LRRC72: variants seen among roughly 807,000 people sequenced by gnomAD.
LRRC72 encodes leucine-rich repeat-containing protein 72.
Under a neutral mutation model 35.8 loss-of-function variants are expected in LRRC72, and 41 were observed. The observed-to-expected ratio is 1.15, with a 90% CI of 0.89 to 1.49. The LOEUF (loss-of-function observed/expected upper bound fraction) is 1.49, where lower values mean the gene tolerates loss of function less well. LRRC72 is among the 40% of genes most tolerant of loss of function. The pLI is 0.00. For synonymous variants in LRRC72, 118 were observed against 119.2 expected (o/e 0.99, Z 0.07); for missense variants, 389 against 330.7 (o/e 1.18, Z -1.37).
chr7:16,546,010 C>G (rs1782437881), intron 3 of LRRC72, among the ~76,000 whole-genome samples: 1 of 151,798 alleles, frequency 6.6e-6, no homozygotes, highest in South Asian at 2.1e-4. Context: ...ATATTTTAAA[C>G]TAAGATAGAA....
chr7:16,527,433 G>T (rs757849684), intron 1 of LRRC72, among the ~76,000 whole-genome samples: 1 of 151,410 alleles, frequency 6.6e-6, no homozygotes, highest in Non-Finnish European at 1.5e-5. Flanking sequence ...AGTAAATTTC[G>T]CAGTCTTGAT....
At chr7:16,580,745 C>T (rs1783129193) in intron 8 of LRRC72, among the ~76,000 whole-genome samples, 2 of 152,064 alleles carry the variant, frequency 1.3e-5, no homozygotes, top group Non-Finnish European at 2.9e-5. Context: ...TCAGTCATAG[C>T]AGTTATCATG....
At position 16,558,943 on chromosome 7, in the gene LRRC72, C is replaced by A. The variant is rs1356452220; in HGVS notation, c.371C>A (p.Thr124Asn). Residue 124 changes from threonine to asparagine, a missense_variant, in exon 5 of 9, where the codon ACC becomes AAC. Transcript: ENST00000401542. ...HILLLHHNELTNIDATVKELK... is the reference protein window; with the variant it reads ...HILLLHHNELNNIDATVKELK... Reference sequence around the variant, plus strand: ...CTCCTGCTACACCACAATGAGCTAACCAACATTGATGCAACAGTGAAGGAA... The same window carrying A: ...CTCCTGCTACACCACAATGAGCTAAACAACATTGATGCAACAGTGAAGGAA... 4.6e-6 allele frequency: 7 copies of A among 1,536,728 alleles called. No homozygotes were observed. The highest frequency in any genetic ancestry group is 2.0e-5 in the Admixed American group (1 of 50,188).
rs572152307 is a variant in LRRC72 at position 16,564,519 on chromosome 7, A to G, written c.428-1794A>G. ...CTGTCATTTAAGAAATCTTGAAAAA[A>G]AAAAAGTTTTATTTTTCTTCTCATT... On this transcript the variant is annotated intron_variant, in intron 5 of 8. Coordinates refer to ENST00000401542, the MANE Select transcript of LRRC72 (RefSeq NM_001195280.2). Among the ~76,000 whole-genome samples, 3 of 152,238 alleles carry G rather than the reference A, an allele frequency of 2.0e-5. No homozygotes were observed. In the East Asian group the frequency reaches 5.8e-4, roughly 29 times the overall value.
intron 5 of LRRC72, among the ~76,000 whole-genome samples, chr7:16,564,364 AAT>A (rs1051799544): frequency 6.6e-6 from 1 of 152,090 alleles, no homozygotes; most frequent in Non-Finnish European, 1.5e-5. Context: ...CTCGAACTAC[AAT>A]TCATGATCCC....
chr7:16,554,893 T>C lies in LRRC72; in HGVS notation c.235-2467T>C, dbSNP rs13437811. Reference sequence around the variant, plus strand: ...AGTCTCAGCTAATGAGTTCTATTAATGTGTGGTTGGCAGGTAACTGGAAGA... The same window carrying C: ...AGTCTCAGCTAATGAGTTCTATTAACGTGTGGTTGGCAGGTAACTGGAAGA... On this transcript the variant is annotated intron_variant, in intron 3 of 8. Transcript: ENST00000401542. 1.5e-3 allele frequency among the ~76,000 whole-genome samples: 225 copies of C among 152,344 alleles called. 1 individual carries two copies. Among genetic ancestry groups the C allele is most frequent in the African/African-American group, 5.2e-3 (216 of 41,578 alleles).
At chr7:16,533,043 A>G in intron 2 of LRRC72, among the ~76,000 whole-genome samples, 1 of 152,272 alleles carries the variant, frequency 6.6e-6, no homozygotes, top group South Asian at 2.1e-4. Context: ...TAATTATACT[A>G]CCTCATTCTC....
At chr7:16,535,137 C>T (rs922953425) in intron 2 of LRRC72, among the ~76,000 whole-genome samples, 4 of 151,164 alleles carry the variant, frequency 2.6e-5, no homozygotes, top group South Asian at 4.2e-4. Context: ...TGCAGTGAGC[C>T]GAGATGGAGC....
chr7:16,580,170 C>T, intron 8 of LRRC72, 69 bp downstream of exon 8: 1 of 225,132 alleles, frequency 4.4e-6, no homozygotes, highest in Non-Finnish European at 9.3e-6. Context: ...TACTTCATCT[C>T]CATTTCCTAA....
intron 7 of LRRC72, 61 bp downstream of exon 7, chr7:16,567,604 G>C (rs1278290556): frequency 5.5e-6 from 7 of 1,274,694 alleles, no homozygotes; most frequent in East Asian, 5.6e-5. Context: ...TCAAACTTTT[G>C]GGTAATTTGA....
Position 16,553,461 on chromosome 7 carries a change from A to T in LRRC72, c.235-3899A>T, listed in dbSNP as rs530781509. On this transcript the variant is annotated intron_variant, in intron 3 of 8. Coordinates refer to ENST00000401542, the MANE Select transcript of LRRC72 (RefSeq NM_001195280.2). ...TAAATAACATTGGGCTTTTGTTGGG[A>T]TTATATTGTATAGTGTCTGTGAAAA... Among the ~76,000 whole-genome samples, 11 of 152,284 alleles carry T rather than the reference A, an allele frequency of 7.2e-5. No homozygotes were observed. The South Asian group carries it at 2.1e-3, about 29-fold the overall frequency.
chr7:16,562,274 C>G (rs1782756403), intron 5 of LRRC72, among the ~76,000 whole-genome samples: 2 of 152,094 alleles, frequency 1.3e-5, no homozygotes, highest in African/African-American at 4.8e-5. Context: ...CAAACTCTTT[C>G]TAAATCAGAA....
At chr7:16,559,061 C>A in intron 5 of LRRC72, 62 bp downstream of exon 5, 1 of 1,037,276 alleles carries the variant, frequency 9.6e-7, no homozygotes, top group Non-Finnish European at 1.4e-6. Context: ...GACATTTTTC[C>A]ATTTATCAAG....
At chr7:16,532,296 A>G (rs1782180502) in intron 1 of LRRC72, among the ~76,000 whole-genome samples, 199 bp from the exon 2 acceptor site, 1 of 152,156 alleles carries the variant, frequency 6.6e-6, no homozygotes, top group Admixed American at 6.6e-5. Flanking sequence ...TGTGCCCAGG[A>G]TTAAGGATAA....
chr7:16,528,427 C>T (rs1248278144), intron 1 of LRRC72, among the ~76,000 whole-genome samples: 3 of 152,154 alleles, frequency 2.0e-5, no homozygotes, highest in South Asian at 4.2e-4. Context: ...CAGCATTTCT[C>T]AGCTGCATCT....
chr7:16,568,023 T>A (rs1782880801), intron 7 of LRRC72, among the ~76,000 whole-genome samples: 1 of 152,196 alleles, frequency 6.6e-6, no homozygotes. Context: ...TATGCAAGTA[T>A]AACTTGAATA....
At chr7:16,530,325 C>T (rs755997896) in intron 1 of LRRC72, 7 of 152,132 alleles carry the variant, frequency 4.6e-5, no homozygotes, top group African/African-American at 9.7e-5. Context: ...AGATGGATGT[C>T]CTAACTCCAG....
chr7:16,575,432 A>T (rs1181361498), intron 7 of LRRC72, among the ~76,000 whole-genome samples: 1 of 152,186 alleles, frequency 6.6e-6, no homozygotes, highest in African/African-American at 2.4e-5. Flanking sequence ...GATGATTCTG[A>T]TGTACACTCA....
At chr7:16,571,673 A>G (rs1163076421) in intron 7 of LRRC72, among the ~76,000 whole-genome samples, 1 of 152,048 alleles carries the variant, frequency 6.6e-6, no homozygotes, top group African/African-American at 2.4e-5. Context: ...CAGATACTAC[A>G]CTTTTCCCAT....
Sources: gnomAD v4.1 joint callset for allele counts (sites outside exome capture counted in the v4.1 genomes callset) on GRCh38, gnomAD v4.1.1 for gene constraint, MANE v1.5 for transcripts, NCBI Gene and HGNC (gene_info 2026-07-23, HGNC 2026-07-21) for gene names.